Variants in EMP2 observed in about 807,000 individuals in gnomAD.
EMP2 encodes the protein epithelial membrane protein 2.
Under a neutral mutation model 13.7 loss-of-function variants are expected in EMP2, and 19 were observed. The observed-to-expected ratio is 1.38, with a 90% CI of 0.97 to 2.03. The LOEUF is 2.03. Ranked by LOEUF, EMP2 falls within the 30% of genes most tolerant of loss-of-function variation. The pLI is 0.00. For synonymous variants in EMP2, 97 were observed against 84.7 expected (o/e 1.15, Z -0.80); for missense variants, 253 against 220.7 (o/e 1.15, Z -0.93).
At chr16:10,543,232 A>G (rs963471819) in intron 3 of EMP2, among the ~76,000 whole-genome samples, 2 of 152,240 alleles carry the variant, frequency 1.3e-5, no homozygotes, top group Admixed American at 1.3e-4. Context: ...CAAGGCTTGG[A>G]TAAAAAAAGA....
At chr16:10,556,281 A>G (rs370063096) in intron 1 of EMP2, among the ~76,000 whole-genome samples, 1 of 150,388 alleles carries the variant, frequency 6.6e-6, no homozygotes, top group South Asian at 2.1e-4. Context: ...GTTCCTTCCA[A>G]TTTTTTTTAA....
intron 1 of EMP2, among the ~76,000 whole-genome samples, chr16:10,562,378 C>CTCTCTCTCTA (rs1312547668): frequency 3.3e-3 from 448 of 135,260 alleles, no homozygotes; most frequent in Non-Finnish European, 4.5e-3. Context: ...CTCTCTCTCT[C>CTCTCTCTCTA]TCTATCTATC....
intron 2 of EMP2, chr16:10,545,645 A>C (rs1046047840): frequency 3.9e-5 from 6 of 153,598 alleles, no homozygotes; most frequent in Admixed American, 3.3e-4. Context: ...CCAGAACAAC[A>C]AGCTCAGGGC....
intron 1 of EMP2, among the ~76,000 whole-genome samples, chr16:10,566,028 CA>C (rs1428681163): frequency 6.6e-6 from 1 of 152,148 alleles, no homozygotes; most frequent in Non-Finnish European, 1.5e-5. Context: ...GAGAACACAC[CA>C]CCCCCAGCCT....
rs1324129854 is a variant in EMP2, at chr16:10,532,592, A to C, written c.*313T>G. The stretch of plus-strand genomic sequence containing the variant: ...TCCCATCACAGCCCCATGGTTAAGA[A>C]ATGTCCTGCCGAGTGCTTTTGGATT... On this transcript the variant is annotated 3_prime_UTR_variant, in exon 5 of 5. Coordinates refer to ENST00000359543, the MANE Select transcript of EMP2 (RefSeq NM_001424.6). 6.0e-6 allele frequency: 1 copy of C among 167,224 alleles called. No individual in the cohort carries two copies. The highest frequency in any genetic ancestry group is 1.3e-5 in the Non-Finnish European group (1 of 78,454). 10.4% of individuals were successfully genotyped at this position (167,224 alleles called of 1,614,324 possible).
At chr16:10,569,063 C>T (rs1353501678) in intron 1 of EMP2, among the ~76,000 whole-genome samples, 1 of 152,190 alleles carries the variant, frequency 6.6e-6, no homozygotes, top group Non-Finnish European at 1.5e-5. Context: ...GTTGGGATTA[C>T]AGGCGTGAGC....
At chr16:10,537,811 C>T (rs568835337) in intron 4 of EMP2, 117 bp downstream of exon 4, 39 of 1,369,492 alleles carry the variant, frequency 2.8e-5, no homozygotes, top group East Asian at 1.9e-4. Flanking sequence ...CAGCACCGCG[C>T]GGCTGCCAAT....
At chr16:10,543,790 G>C in intron 2 of EMP2, 130 bp from the exon 3 acceptor site, 1 of 831,236 alleles carries the variant, frequency 1.2e-6, no homozygotes, top group Non-Finnish European at 2.0e-6. Flanking sequence ...ATTGCCTGAG[G>C]AGCTTATTCT....
intron 1 of EMP2, chr16:10,559,109 G>A (rs2050854452): frequency 6.6e-6 from 1 of 152,338 alleles, no homozygotes; most frequent in African/African-American, 2.4e-5. Context: ...GGGAGGGCCG[G>A]GCTGGTGAGC....
intron 1 of EMP2, among the ~76,000 whole-genome samples, chr16:10,553,704 G>GAAT (rs554011058): frequency 6.5e-4 from 99 of 152,276 alleles, no homozygotes; most frequent in Middle Eastern, 3.4e-3. Flanking sequence ...CTCATTCCTT[G>GAAT]GGCTGCCTGG....
At chr16:10,571,211 C>T (rs1178453665) in intron 1 of EMP2, among the ~76,000 whole-genome samples, 7 of 132,974 alleles carry the variant, frequency 5.3e-5, no homozygotes, top group African/African-American at 2.1e-4. Context: ...GAGCTGAGAT[C>T]GCGCCACTGC....
rs77395418 is a variant in EMP2 at position 10,555,374 on chromosome 16, C to T, written c.-60-7697G>A. Among the ~76,000 whole-genome samples, 1,067 of 152,216 alleles carry T rather than the reference C, an allele frequency of 7.0e-3. 15 individuals carry two copies. The highest frequency in any genetic ancestry group is 0.024 in the African/African-American group (992 of 41,526). On this transcript the variant is annotated intron_variant, in intron 1 of 4. Transcript: ENST00000359543. The stretch of plus-strand genomic sequence containing the variant: ...TTCTAAAAGGCCACCTGAGTTTGGG[C>T]GCTTACCCACCTGAAGGTAGGAGAC...
At chr16:10,568,450 CT>C (rs2050924248) in intron 1 of EMP2, among the ~76,000 whole-genome samples, 1 of 150,688 alleles carries the variant, frequency 6.6e-6, no homozygotes, top group South Asian at 2.1e-4. Context: ...GAACTAAATG[CT>C]TTTTTCACGA....
intron 4 of EMP2, among the ~76,000 whole-genome samples, chr16:10,534,657 T>C (rs112186354): frequency 0.023 from 3,437 of 152,168 alleles, 111 homozygotes; most frequent in African/African-American, 0.076. Context: ...TCCCAGCTAC[T>C]TGGGAGGCTG....
At chr16:10,554,572 A>C (rs1025701019) in intron 1 of EMP2, among the ~76,000 whole-genome samples, 3 of 152,198 alleles carry the variant, frequency 2.0e-5, no homozygotes, top group African/African-American at 7.2e-5. Context: ...GTGTTGGATG[A>C]AGACTGGTCC....
intron 1 of EMP2, among the ~76,000 whole-genome samples, chr16:10,574,335 T>C (rs138814682): frequency 1.2e-3 from 189 of 152,290 alleles, no homozygotes; most frequent in African/African-American, 4.5e-3. Flanking sequence ...CACCTATCAT[T>C]GGATATTCTA....
chr16:10,543,655 C>A lies in EMP2; in HGVS notation c.84G>T (p.Trp28Cys). 1 of 1,614,190 alleles carries A rather than the reference C, an allele frequency of 6.2e-7. No homozygotes were observed. Among genetic ancestry groups the A allele is most frequent in the Non-Finnish European group, 8.5e-7 (1 of 1,179,998 alleles). ...CTGCAAAAAACTCATCTCCTACCCA[C>A]CAGGCCTGTAACACAAAATGGAAAT... ...LLFIATVDNA[W>C]WVGDEFFADV... The change falls in exon 3 of 5, where the codon TGG becomes TGT. Residue 28 changes from tryptophan to cysteine, a missense_variant. Coordinates refer to ENST00000359543, the MANE Select transcript of EMP2 (RefSeq NM_001424.6).
chr16:10,541,614 A>G (rs545502131), intron 3 of EMP2, among the ~76,000 whole-genome samples: 103 of 152,318 alleles, frequency 6.8e-4, no homozygotes, highest in African/African-American at 2.4e-3. Context: ...CACACTGGCG[A>G]CAGCTGGGGC....
At chr16:10,534,459 C>T (rs900125310) in intron 4 of EMP2, among the ~76,000 whole-genome samples, 2 of 152,148 alleles carry the variant, frequency 1.3e-5, no homozygotes, top group East Asian at 1.9e-4. Flanking sequence ...CCAAAAGCAC[C>T]CTAATTTTAG....
Sources: allele counts gnomAD v4.1 joint callset (sites outside exome capture counted in the v4.1 genomes callset), GRCh38; gene constraint gnomAD v4.1.1; transcripts MANE v1.5; gene names NCBI Gene and HGNC (gene_info 2026-07-23, HGNC 2026-07-21).